The following GYS1 variants were observed in gnomAD, a reference collection of about 807,000 sequenced individuals.
GYS1 encodes glycogen synthase 1, also known as glycogen [starch] synthase, muscle.
A neutral mutation model predicts 89.1 loss-of-function variants in GYS1; 60 were observed. The ratio of observed to expected loss-of-function variants is 0.67; its 90% confidence interval spans 0.55 to 0.84. The LOEUF is 0.84. GYS1 is among the 40% of genes least tolerant of loss of function. The pLI, the probability that GYS1 is intolerant of heterozygous loss-of-function variation, is 0.00. For missense variants in GYS1, 888 were observed against 1,003.1 expected (o/e 0.89, Z 1.55); for synonymous variants, 366 against 401.7 (o/e 0.91, Z 1.06).
intron 12 of GYS1, among the ~76,000 whole-genome samples, chr19:48,972,218 G>A (rs1310857315): frequency 6.6e-6 from 1 of 151,750 alleles, no homozygotes; most frequent in Non-Finnish European, 1.5e-5. Flanking sequence ...GGCGCCTATA[G>A]TCCCAGCTAC....
At chr19:48,974,761 G>A in intron 10 of GYS1, 28 bp from the exon 11 acceptor site, 2 of 1,473,066 alleles carry the variant, frequency 1.4e-6, no homozygotes, top group Middle Eastern at 1.7e-4. Context: ...AGGGTAAGGG[G>A]TCATGGAAGG....
rs113167571 is a variant in GYS1, at chr19:48,969,978, A to G, written c.1810-123T>C. 1.8e-3 allele frequency: 1,265 copies of G among 692,128 alleles called. 6 individuals carry two copies. In the African/African-American group the frequency reaches 0.02, roughly 11 times the overall value. The allele number at this position is 692,128 out of a possible 1,614,324, so 42.9% of individuals were successfully genotyped here. A position where few individuals can be genotyped will look rare whatever the true frequency, so the allele number is the denominator to read the frequency against. ...CACACTGCTGCACCCCATACAAATAATCCATCTATCTGACTCCACCCCTTA... is the reference window on the plus strand; with the variant it reads ...CACACTGCTGCACCCCATACAAATAGTCCATCTATCTGACTCCACCCCTTA... On this transcript the variant is annotated intron_variant, in intron 14 of 15. Transcript: ENST00000323798.
chr19:48,977,917 T>C lies in GYS1; in HGVS notation c.1308+7A>G, dbSNP rs757782821. The C allele has an allele frequency of 1.9e-6, 3 of 1,608,578 alleles. No homozygotes were observed. Among genetic ancestry groups the C allele is most frequent in the Non-Finnish European group, 2.6e-6 (3 of 1,175,090 alleles). Reference sequence around the variant, plus strand: ...GCTATCTCTCTGCACAGAGGTCCAATCCATACCTGCGTTGCAAAGATGGCT... The same window carrying C: ...GCTATCTCTCTGCACAGAGGTCCAACCCATACCTGCGTTGCAAAGATGGCT... On this transcript the variant is annotated splice_region_variant and intron_variant, in intron 10 of 15. Transcript: ENST00000323798.
intron 4 of GYS1, 107 bp from the exon 5 acceptor site, chr19:48,985,712 G>T (rs2038832273): frequency 1.3e-6 from 2 of 1,509,580 alleles, no homozygotes; most frequent in South Asian, 1.1e-5. Context: ...TGGATTCCTG[G>T]GTCTGAGGTA....
chr19:48,980,659 CAAAAA>C (rs35768030), intron 8 of GYS1, among the ~76,000 whole-genome samples: 53 of 142,352 alleles, frequency 3.7e-4, no homozygotes, highest in Non-Finnish European at 5.0e-4. Context: ...GACTCTGTTT[CAAAAA>C]AAAAAAAAAA....
In GYS1 at chr19:48,991,704, G is replaced by T. The variant is rs2038932447; in HGVS notation, c.119-221C>A. Reference sequence around the variant, plus strand: ...CCTCCTGGGTCTAAGGGAGAAGGGGGCTGGGGTCAGGACCCTGAAGGAGGA... The same window carrying T: ...CCTCCTGGGTCTAAGGGAGAAGGGGTCTGGGGTCAGGACCCTGAAGGAGGA... On this transcript the variant is annotated intron_variant, in intron 1 of 15. Transcript: ENST00000323798. The surrounding 1 kb of genome is among the most constrained non-coding windows in gnomAD (Gnocchi z 4.7). Among the ~76,000 whole-genome samples the T allele has an allele frequency of 6.6e-6, 1 of 152,082 alleles. No homozygotes were observed. The highest frequency in any genetic ancestry group is 1.5e-5 in the Non-Finnish European group (1 of 67,996).
Position 48,987,373 on chromosome 19 carries a change from G to A in GYS1, c.313C>T (p.Arg105Cys), listed in dbSNP as rs760668113. ...AGAGGGCCTCCCTCGATCAGCCAGC[G>A]CCCGAAATACACCTGGGATGGGGTT... ...NSKGCKVYFGRWLIEGGPLVV... is the reference protein window; with the variant it reads ...NSKGCKVYFGCWLIEGGPLVV... The change falls in exon 3 of 16, where the codon CGC becomes TGC. Residue 105 changes from arginine (R) to cysteine (C), a missense_variant. Transcript: ENST00000323798. 18 of 1,602,928 alleles carry A rather than the reference G, an allele frequency of 1.1e-5. No individual in the cohort carries two copies. Among genetic ancestry groups the A allele is most frequent in the South Asian group, 2.2e-5 (2 of 89,380 alleles).
At chr19:48,972,637 C>A (rs1010049737) in intron 12 of GYS1, among the ~76,000 whole-genome samples, 1 of 151,568 alleles carries the variant, frequency 6.6e-6, no homozygotes, top group Non-Finnish European at 1.5e-5. Flanking sequence ...TGCCACCACC[C>A]CCAGCTAATT....
intron 2 of GYS1, among the ~76,000 whole-genome samples, chr19:48,989,953 C>T (rs910055515): frequency 3.5e-5 from 5 of 144,604 alleles, no homozygotes; most frequent in Non-Finnish European, 7.5e-5. Flanking sequence ...CCTGGAGCCT[C>T]GCTCTGAGGT....
intron 8 of GYS1, among the ~76,000 whole-genome samples, chr19:48,979,556 C>T (rs575230358): frequency 1.3e-5 from 2 of 151,080 alleles, no homozygotes; most frequent in South Asian, 2.1e-4. Flanking sequence ...AGGCTGATCT[C>T]GAACTCCTGA....
In GYS1 at chr19:48,990,012, G is replaced by GC. The variant is rs1014423642; in HGVS notation, c.300+1289_300+1290insG. On this transcript the variant is annotated intron_variant, in intron 2 of 15. Coordinates refer to ENST00000323798, the MANE Select transcript of GYS1 (RefSeq NM_002103.5). ...TGCCCTTTTGCTGGGGGGGGGGGGG[G>GC]GCTATTCTTAGGCCCCCAGCACGTG... 1.3e-4 allele frequency among the ~76,000 whole-genome samples: 19 copies of GC among 150,680 alleles called. No homozygotes were observed. The East Asian group carries it at 1.4e-3, about 11-fold the overall frequency.
At chr19:48,971,071 C>G in intron 12 of GYS1, 48 bp from the exon 13 acceptor site, 1 of 1,291,514 alleles carries the variant, frequency 7.7e-7, no homozygotes, top group Non-Finnish European at 1.1e-6. Context: ...TCATCGCCTA[C>G]CGTCTTAATC....
chr19:48,986,194 TG>T (rs1407330771), intron 3 of GYS1, among the ~76,000 whole-genome samples, 159 bp from the exon 4 acceptor site: 2 of 152,220 alleles, frequency 1.3e-5, no homozygotes, highest in African/African-American at 4.8e-5. Flanking sequence ...GACAGGGACC[TG>T]TAAATCCCTG....
rs1600125870 is a variant in GYS1, at chr19:48,968,640, C to T, written c.*648G>A. The T allele has an allele frequency of 2.2e-6, 1 of 454,086 alleles. No individual in the cohort carries two copies. Among genetic ancestry groups the T allele is most frequent in the African/African-American group, 2.0e-5 (1 of 50,014 alleles). 28.1% of individuals were successfully genotyped at this position (454,086 alleles called of 1,614,324 possible). A position where few individuals can be genotyped will look rare whatever the true frequency, so the allele number is the denominator to read the frequency against. ...ATGAGCAGCCAAGTGGTTCTACCAC[C>T]TCTTGCTTGGCCAAAGTGTAGGGGA... On this transcript the variant is annotated 3_prime_UTR_variant, in exon 16 of 16. Transcript: ENST00000323798.
chr19:48,970,153 T>C (rs368919471), intron 14 of GYS1: 1 of 497,830 alleles, frequency 2.0e-6, no homozygotes, highest in South Asian at 2.1e-5. Context: ...AACACGGTCT[T>C]GTTCTGTTAC....
intron 10 of GYS1, 41 bp from the exon 11 acceptor site, chr19:48,974,774 C>G (rs1279605985): frequency 7.4e-7 from 1 of 1,353,148 alleles, no homozygotes; most frequent in African/African-American, 1.4e-5. Context: ...ATGGAAGGGA[C>G]AGAGAACTCC....
chr19:48,978,678 C>A (rs958342375), intron 8 of GYS1, among the ~76,000 whole-genome samples: 5 of 151,604 alleles, frequency 3.3e-5, no homozygotes, highest in Non-Finnish European at 7.4e-5. Context: ...ATTACAGGCA[C>A]CTGCCACCAT....
chr19:48,981,657 G>A (rs1420470524), intron 7 of GYS1, 21 bp from the exon 8 acceptor site: 2 of 1,503,534 alleles, frequency 1.3e-6, no homozygotes. Context: ...AGAAAGGAGG[G>A]GGAGGCCAGG....
rs1170840683 is a variant in GYS1, at chr19:48,968,548, T to C, written c.*740A>G. On this transcript the variant is annotated 3_prime_UTR_variant, in exon 16 of 16. Coordinates refer to ENST00000323798, the MANE Select transcript of GYS1 (RefSeq NM_002103.5). ...TCAGATTTAGAAAGGAAGAGTAGGA[T>C]CTGGTCCAGAAAGGGCCAGAAAGAC... The C allele has an allele frequency of 2.2e-6, 1 of 454,486 alleles. No individual in the cohort carries two copies. 28.2% of individuals were successfully genotyped at this position (454,486 alleles called of 1,614,324 possible).
Sources: allele counts gnomAD v4.1 joint callset (sites outside exome capture counted in the v4.1 genomes callset), GRCh38; gene constraint gnomAD v4.1.1; non-coding constraint Gnocchi (gnomAD v3.1); transcripts MANE v1.5; gene names NCBI Gene and HGNC (gene_info 2026-07-23, HGNC 2026-07-21).